Variants in TRIM13 observed in about 807,000 individuals in gnomAD.
TRIM13 encodes the protein E3 ubiquitin-protein ligase TRIM13.
In TRIM13, 15 loss-of-function variants were observed where a neutral mutation model predicts 27.1. That is an observed-to-expected ratio of 0.55 (90% confidence interval 0.37 to 0.85). TRIM13 has a LOEUF of 0.85. Ranked by LOEUF, TRIM13 falls within the 40% of genes least tolerant of loss-of-function variation. The pLI is 0.00. For missense variants in TRIM13, 402 were observed against 472.2 expected (o/e 0.85, Z 1.38); for synonymous variants, 193 against 171.5 (o/e 1.13, Z -0.98).
At chr13:50,011,390 C>G (rs1324902267) in intron 1 of TRIM13, among the ~76,000 whole-genome samples, 1 of 152,180 alleles carries the variant, frequency 6.6e-6, no homozygotes, top group Non-Finnish European at 1.5e-5. Flanking sequence ...AATTGCAACT[C>G]TCATCTTGTG....
In TRIM13 at chr13:50,014,378, T is replaced by C. The variant is rs2472597; in HGVS notation, c.*1214T>C. On this transcript the variant is annotated 3_prime_UTR_variant, in exon 2 of 2. Coordinates refer to ENST00000378182, the MANE Select transcript of TRIM13 (RefSeq NM_213590.3). Reference sequence around the variant, plus strand: ...ATATATATACACACACACACACACATATGTACACATACATATATATACATA... The same window carrying C: ...ATATATATACACACACACACACACACATGTACACATACATATATATACATA... 4.9e-4 allele frequency: 58 copies of C among 118,174 alleles called. 3 individuals are homozygous for C. In the South Asian group the frequency reaches 9.5e-3, roughly 19 times the overall value. 7.3% of individuals were successfully genotyped at this position (118,174 alleles called of 1,614,324 possible). A position where few individuals can be genotyped will look rare whatever the true frequency, so the allele number is the denominator to read the frequency against.
Position 50,013,240 on chromosome 13 carries a change from A to G in TRIM13, c.*76A>G, listed in dbSNP as rs1875893065. Reference sequence around the variant, plus strand: ...GAGAGTGGTAATTCAGATTTGGTCAACGATTCTAGTCACATATTTTCCTCC... The same window carrying G: ...GAGAGTGGTAATTCAGATTTGGTCAGCGATTCTAGTCACATATTTTCCTCC... On this transcript the variant is annotated 3_prime_UTR_variant, in exon 2 of 2. Transcript: ENST00000378182. 3 of 1,378,290 alleles carry G rather than the reference A, an allele frequency of 2.2e-6. No individual in the cohort carries two copies. Among genetic ancestry groups the G allele is most frequent in the South Asian group, 1.5e-5 (1 of 64,934 alleles). 85.4% of individuals were successfully genotyped at this position (1,378,290 alleles called of 1,614,324 possible).
intron 1 of TRIM13, among the ~76,000 whole-genome samples, chr13:50,009,565 C>T (rs555039576): frequency 9.2e-5 from 14 of 151,996 alleles, no homozygotes; most frequent in African/African-American, 2.9e-4. Flanking sequence ...GGTGAAACCC[C>T]GTTTCTACTA....
At chr13:50,006,550 A>G (rs907350074) in intron 1 of TRIM13, among the ~76,000 whole-genome samples, 23 of 152,090 alleles carry the variant, frequency 1.5e-4, no homozygotes, top group Non-Finnish European at 2.8e-4. Context: ...TAGAATTCTT[A>G]GGCAAAAGAT....
rs2138421298 is a variant in TRIM13 at position 50,013,127 on chromosome 13, A to G, written c.1187A>G (p.Asn396Ser). 1.9e-6 allele frequency: 3 copies of G among 1,588,528 alleles called. No homozygotes were observed. The highest frequency in any genetic ancestry group is 2.3e-5 in the South Asian group (2 of 86,326). ...FKNFTLVVLN[N>S]VAEFVCKYKL... The stretch of plus-strand genomic sequence containing the variant: ...AATTTTACTTTGGTGGTACTGAACA[A>G]TGTGGCAGAATTTGTGTGCAAATAT... The change falls in exon 2 of 2, where the codon AAT (asparagine) becomes AGT (serine). Residue 396 changes from asparagine (N) to serine (S), a missense_variant. This residue lies in a region of TRIM13 where 200 missense variants were observed against 194.7 expected (regional missense o/e 1.03). Transcript: ENST00000378182.
At chr13:50,010,720 G>C (rs1016469695) in intron 1 of TRIM13, among the ~76,000 whole-genome samples, 3 of 152,124 alleles carry the variant, frequency 2.0e-5, no homozygotes, top group Admixed American at 2.0e-4. Flanking sequence ...TCATTAGCAA[G>C]AGATACTGTC....
intron 1 of TRIM13, among the ~76,000 whole-genome samples, chr13:49,999,565 G>C (rs984696157): frequency 6.6e-6 from 1 of 152,120 alleles, no homozygotes; most frequent in Non-Finnish European, 1.5e-5. Context: ...TTTTCCAAGA[G>C]ATGGGATTCT....
intron 1 of TRIM13, among the ~76,000 whole-genome samples, chr13:50,009,061 T>G (rs551337346): frequency 6.6e-6 from 1 of 151,054 alleles, no homozygotes; most frequent in Non-Finnish European, 1.5e-5. Flanking sequence ...CCAAGAACTT[T>G]ATGTTTGTAC....
chr13:50,010,524 G>A (rs966769692), intron 1 of TRIM13, among the ~76,000 whole-genome samples: 2 of 152,146 alleles, frequency 1.3e-5, no homozygotes, highest in Non-Finnish European at 1.5e-5. Flanking sequence ...TATTCACTGT[G>A]TTTTGCAGAT....
intron 1 of TRIM13, among the ~76,000 whole-genome samples, chr13:49,998,763 T>A (rs1170872174): frequency 6.6e-6 from 1 of 151,874 alleles, no homozygotes. Flanking sequence ...ATCCCATCTT[T>A]ACTAACAATA....
chr13:50,004,579 A>C (rs1314308218), intron 1 of TRIM13, among the ~76,000 whole-genome samples: 1 of 152,100 alleles, frequency 6.6e-6, no homozygotes, highest in Non-Finnish European at 1.5e-5. Context: ...CCCGGCCAAC[A>C]TAATGAAACC....
intron 1 of TRIM13, among the ~76,000 whole-genome samples, chr13:50,010,038 ATCT>A (rs1374257783): frequency 7.0e-6 from 1 of 143,236 alleles, no homozygotes; most frequent in African/African-American, 2.6e-5. Flanking sequence ...AGGTAATTTA[ATCT>A]TTTTTTTTTT....
rs2138420107 is a variant in TRIM13 at position 50,012,918 on chromosome 13, T to C, written c.978T>C (p.Leu326=). ...KLFLLILLLG[L]VIVFGPTMFL... is the part of the protein sequence containing the mutation. ...TTTTGCTAATCCTTCTGCTTGGCCTTGTCATTGTCTTTGGTCCTACCATGT... is the reference window on the plus strand; with the variant it reads ...TTTTGCTAATCCTTCTGCTTGGCCTCGTCATTGTCTTTGGTCCTACCATGT... The change falls in exon 2 of 2, where the codon CTT becomes CTC. Residue 326 remains leucine, a synonymous_variant. Transcript: ENST00000378182. The C allele has an allele frequency of 6.2e-7, 1 of 1,614,022 alleles. No homozygotes were observed. The highest frequency in any genetic ancestry group is 1.1e-5 in the South Asian group (1 of 91,080).
chr13:50,008,524 G>A (rs1875112723), intron 1 of TRIM13, among the ~76,000 whole-genome samples: 1 of 151,930 alleles, frequency 6.6e-6, no homozygotes, highest in Admixed American at 6.6e-5. Context: ...TGTAGTCTTA[G>A]CTACTTAGGA....
At chr13:50,003,055 A>C (rs914177064) in intron 1 of TRIM13, among the ~76,000 whole-genome samples, 18 of 152,304 alleles carry the variant, frequency 1.2e-4, no homozygotes, top group Admixed American at 6.5e-4. Flanking sequence ...ATAGTACACT[A>C]TTTGAAAATA....
chr13:50,008,001 G>T (rs1875026662), intron 1 of TRIM13, among the ~76,000 whole-genome samples: 1 of 151,578 alleles, frequency 6.6e-6, no homozygotes, highest in Non-Finnish European at 1.5e-5. Flanking sequence ...GCCTCCTGGG[G>T]TCACACCATT....
chr13:50,012,267 T>C lies in TRIM13; in HGVS notation c.327T>C (p.Asp109=). ...GQPLNIFCLT[D]MQLICGICAT... is the part of the protein sequence containing the mutation. ...CTCTCAACATTTTCTGCCTGACTGA[T>C]ATGCAGCTGATTTGTGGGATCTGTG... Residue 109 remains aspartate, a synonymous_variant, in exon 2 of 2, where the codon GAT becomes GAC. Transcript: ENST00000378182. 1.2e-6 allele frequency: 2 copies of C among 1,614,160 alleles called. No homozygotes were observed. The highest frequency in any genetic ancestry group is 1.7e-6 in the Non-Finnish European group (2 of 1,180,008).
At chr13:50,003,644 G>T (rs1212595292) in intron 1 of TRIM13, among the ~76,000 whole-genome samples, 1 of 152,198 alleles carries the variant, frequency 6.6e-6, no homozygotes, top group East Asian at 1.9e-4. Context: ...TATTTTAGTG[G>T]TTGTGTTATG....
At position 50,015,108 on chromosome 13, in the gene TRIM13, T is replaced by A. The variant is rs1370659518; in HGVS notation, c.*1944T>A. The A allele has an allele frequency of 2.3e-3, 20 of 8,686 alleles. 1 individual carries two copies. The highest frequency in any genetic ancestry group is 6.8e-3 in the African/African-American group (20 of 2,922). The allele number at this position is 8,686 out of a possible 1,614,324, so 0.5% of individuals were successfully genotyped here. A position where few individuals can be genotyped will look rare whatever the true frequency, so the allele number is the denominator to read the frequency against. On this transcript the variant is annotated 3_prime_UTR_variant, in exon 2 of 2. Transcript: ENST00000378182. ...AAAAAAAAAAAAATATATATATATA[T>A]ATATATATATATATATATATATATA... is the stretch of plus-strand genomic sequence containing the variant.
Sources: allele counts gnomAD v4.1 joint callset (sites outside exome capture counted in the v4.1 genomes callset), GRCh38; gene constraint gnomAD v4.1.1; regional missense constraint gnomAD v4.1.1; transcripts MANE v1.5; gene names NCBI Gene and HGNC (gene_info 2026-07-23, HGNC 2026-07-21).